Variants in DCC observed in about 807,000 individuals in gnomAD.
DCC encodes the protein DCC netrin 1 receptor.
A neutral mutation model predicts 172.5 loss-of-function variants in DCC; 58 were observed. That is an observed-to-expected ratio of 0.34 (90% CI 0.27 to 0.42). The LOEUF (loss-of-function observed/expected upper bound fraction) is 0.42. Among genes scored for constraint, DCC ranks in the 10% least tolerant of loss-of-function variants. The pLI is 1.00. For missense variants in DCC, 1,740 were observed against 1,791.0 expected, an observed-to-expected ratio of 0.97 and a Z score of 0.51; for synonymous variants, 709 against 644.5, an observed-to-expected ratio of 1.10 and a Z score of -1.52.
intron 21 of DCC, among the ~76,000 whole-genome samples, chr18:53,417,942 C>A (rs1246031458): frequency 1.3e-5 from 2 of 152,170 alleles, no homozygotes; most frequent in Non-Finnish European, 2.9e-5. Context: ...TATGATCACA[C>A]ATCCTCCATG....
intron 21 of DCC, among the ~76,000 whole-genome samples, chr18:53,430,894 CAAG>C (rs1483624530): frequency 6.6e-6 from 1 of 151,894 alleles, no homozygotes; most frequent in Non-Finnish European, 1.5e-5. Context: ...GCAGGGAGAT[CAAG>C]AAGACTTTTG....
intron 14 of DCC, among the ~76,000 whole-genome samples, chr18:53,335,721 G>A (rs144569207): frequency 5.5e-4 from 84 of 152,212 alleles, no homozygotes; most frequent in African/African-American, 2.0e-3. Flanking sequence ...CCTTGTATTA[G>A]TCTGTTTTCA....
At chr18:52,895,576 C>A (rs2039716569) in intron 2 of DCC, among the ~76,000 whole-genome samples, 1 of 151,986 alleles carries the variant, frequency 6.6e-6, no homozygotes, top group Admixed American at 6.6e-5. Flanking sequence ...AATTTTCGCT[C>A]ATTTAAAAAA....
chr18:53,205,139 A>T, intron 9 of DCC, 77 bp from the exon 10 acceptor site: 1 of 1,105,350 alleles, frequency 9.0e-7, no homozygotes, highest in Non-Finnish European at 1.4e-6. Flanking sequence ...GTAAAAATGT[A>T]ATTTTGTTTG....
chr18:52,825,595 A>G (rs1449625701), intron 2 of DCC, among the ~76,000 whole-genome samples: 1 of 152,150 alleles, frequency 6.6e-6, no homozygotes, highest in Non-Finnish European at 1.5e-5. Flanking sequence ...ACAACACTCC[A>G]AGGAAGTATC....
intron 12 of DCC, among the ~76,000 whole-genome samples, chr18:53,230,446 G>A (rs975313938): frequency 2.6e-5 from 4 of 151,866 alleles, no homozygotes; most frequent in Admixed American, 6.6e-5. Context: ...GGACTCCAGC[G>A]TATCATTTTA....
chr18:53,252,947 C>T (rs983184634), intron 12 of DCC, among the ~76,000 whole-genome samples: 1 of 151,980 alleles, frequency 6.6e-6, no homozygotes, highest in Admixed American at 6.6e-5. Flanking sequence ...TTATAACATG[C>T]TTCTCCAAAG....
chr18:52,831,373 T>C (rs35622093), intron 2 of DCC, among the ~76,000 whole-genome samples: 1 of 151,946 alleles, frequency 6.6e-6, no homozygotes, highest in Non-Finnish European at 1.5e-5. Flanking sequence ...TATGATCTGA[T>C]CAAGCACATC....
At chr18:53,397,529 G>A (rs1909030596) in intron 18 of DCC, 83 bp downstream of exon 18, 2 of 1,450,568 alleles carry the variant, frequency 1.4e-6, no homozygotes, top group Non-Finnish European at 1.9e-6. Context: ...GTTCCCTATG[G>A]TGTCTCAATT....
intron 11 of DCC, 85 bp from the exon 12 acceptor site, chr18:53,215,463 A>C: frequency 8.9e-7 from 1 of 1,127,992 alleles, no homozygotes; most frequent in Non-Finnish European, 1.4e-6. Context: ...TATAAACAAA[A>C]CCACACTCTC....
chr18:52,817,020 A>G (rs1451789685), intron 2 of DCC: 1 of 152,162 alleles, frequency 6.6e-6, no homozygotes, highest in Non-Finnish European at 1.5e-5. Flanking sequence ...CTACACTTAA[A>G]GCACAGTATT....
chr18:52,444,650 C>T (rs1347524629), intron 1 of DCC, among the ~76,000 whole-genome samples: 5 of 152,274 alleles, frequency 3.3e-5, no homozygotes, highest in Non-Finnish European at 5.9e-5. Flanking sequence ...TTGTTTTCCT[C>T]CTGCTTTGGC....
chr18:52,836,227 G>T (rs1277938124), intron 2 of DCC, among the ~76,000 whole-genome samples: 1 of 152,182 alleles, frequency 6.6e-6, no homozygotes, highest in Non-Finnish European at 1.5e-5. Context: ...TACAAGATGA[G>T]ATTTGCATAG....
intron 5 of DCC, among the ~76,000 whole-genome samples, chr18:53,018,406 C>T (rs1221722776): frequency 1.3e-5 from 2 of 152,196 alleles, no homozygotes; most frequent in Non-Finnish European, 2.9e-5. Context: ...TCACTAACCT[C>T]GTTGCCTACG....
chr18:53,535,355 T>G lies in DCC; in HGVS notation c.*4702T>G, dbSNP rs1395048175. On this transcript the variant is annotated 3_prime_UTR_variant, in exon 29 of 29. Coordinates refer to ENST00000442544, the MANE Select transcript of DCC (RefSeq NM_005215.4). ...TTGCTGAGTATGAAGAGATGTCCAG[T>G]CCAGGCAAAGCCTTCACTGAAGTTC... The G allele has an allele frequency of 6.6e-6, 1 of 152,148 alleles. No homozygotes were observed. The highest frequency in any genetic ancestry group is 1.5e-5 in the Non-Finnish European group (1 of 68,022). 9.4% of individuals were successfully genotyped at this position (152,148 alleles called of 1,614,324 possible).
intron 7 of DCC, among the ~76,000 whole-genome samples, chr18:53,073,451 G>A (rs1475334498): frequency 1.3e-5 from 2 of 152,084 alleles, no homozygotes; most frequent in East Asian, 1.9e-4. Flanking sequence ...TATGAAACCT[G>A]GGGGGCGGAG....
intron 22 of DCC, among the ~76,000 whole-genome samples, chr18:53,447,236 C>T (rs952111106): frequency 1.3e-5 from 2 of 152,186 alleles, no homozygotes; most frequent in Non-Finnish European, 1.5e-5. Context: ...CAAGAATTGA[C>T]TGCCACTAAA....
intron 2 of DCC, among the ~76,000 whole-genome samples, chr18:52,838,741 G>C (rs2038755817): frequency 6.6e-6 from 1 of 152,038 alleles, no homozygotes; most frequent in Non-Finnish European, 1.5e-5. Context: ...AATTATTTTT[G>C]GCTTTTATAT....
At chr18:53,081,535 C>T (rs2042803646) in intron 7 of DCC, among the ~76,000 whole-genome samples, 1 of 151,816 alleles carries the variant, frequency 6.6e-6, no homozygotes, top group Admixed American at 6.6e-5. Flanking sequence ...AAAAAAAAGA[C>T]CTCCTCCACT....
Sources: gnomAD v4.1 joint callset for allele counts (sites outside exome capture counted in the v4.1 genomes callset) on GRCh38, gnomAD v4.1.1 for gene constraint, MANE v1.5 for transcripts, NCBI Gene and HGNC (gene_info 2026-07-23, HGNC 2026-07-21) for gene names.